The following NEU3 variants were observed in gnomAD, a reference collection of about 807,000 sequenced individuals.
The protein encoded by NEU3 is neuraminidase 3.
NEU3 carries 10 observed loss-of-function variants against 11.4 expected under a neutral mutation model. That is an observed-to-expected ratio of 0.88 (90% confidence interval 0.54 to 1.49). NEU3 has a LOEUF of 1.49. Ranked by LOEUF, NEU3 falls within the 40% of genes most tolerant of loss-of-function variation. NEU3 has a pLI of 0.00. For synonymous variants in NEU3, 212 were observed against 228.2 expected, an observed-to-expected ratio of 0.93 and a Z score of 0.64; for missense variants, 529 against 581.8, an observed-to-expected ratio of 0.91 and a Z score of 0.93.
chr11:75,001,917 C>T (rs566718587), intron 2 of NEU3, among the ~76,000 whole-genome samples: 1 of 152,324 alleles, frequency 6.6e-6, no homozygotes, highest in East Asian at 1.9e-4. Flanking sequence ...ATAGAATGGG[C>T]TGTCCCAGAG....
downstream of NEU3, among the ~76,000 whole-genome samples, chr11:75,014,604 A>G (rs1208056320): frequency 6.6e-6 from 1 of 152,214 alleles, no homozygotes; most frequent in Non-Finnish European, 1.5e-5. Flanking sequence ...TAGGCTGGGC[A>G]TGGTAGCTCA....
rs958638863 is a variant in NEU3, at chr11:74,988,967, C to T, written c.-94C>T. The T allele has an allele frequency of 3.2e-6, 3 of 946,088 alleles. No homozygotes were observed. Among genetic ancestry groups the T allele is most frequent in the African/African-American group, 1.7e-5 (1 of 58,788 alleles). The allele number at this position is 946,088 out of a possible 1,614,324, so 58.6% of individuals were successfully genotyped here. On this transcript the variant is annotated 5_prime_UTR_variant, in exon 1 of 3. Coordinates refer to ENST00000294064, the MANE Select transcript of NEU3 (RefSeq NM_006656.6). ...GCTCTTCGCTTCTCGGGGCTTGTCT[C>T]CGTGTCCTCCGTCTCAGTTGTTTCT...
chr11:74,994,402 T>A, intron 1 of NEU3, 107 bp from the exon 2 acceptor site: 1 of 739,350 alleles, frequency 1.4e-6, no homozygotes, highest in Non-Finnish European at 2.2e-6. Flanking sequence ...TGAATATATC[T>A]GTGCCCCCCC....
At chr11:74,987,967 A>G (rs1948687862), upstream of NEU3, among the ~76,000 whole-genome samples, 1 of 135,592 alleles carries the variant, frequency 7.4e-6, no homozygotes, top group Non-Finnish European at 1.5e-5. Context: ...GTTCTTTCAA[A>G]GAACCCTCAT....
chr11:75,015,901 T>C (rs1289485022), downstream of NEU3, among the ~76,000 whole-genome samples: 3 of 152,186 alleles, frequency 2.0e-5, no homozygotes, highest in Non-Finnish European at 4.4e-5. Context: ...GGTAACATCA[T>C]AGCATGAGCA....
upstream of NEU3, among the ~76,000 whole-genome samples, chr11:74,987,888 T>C (rs922662406): frequency 4.6e-5 from 2 of 43,028 alleles, no homozygotes; most frequent in Admixed American, 2.2e-4. Context: ...TTCTAGGCCT[T>C]TTTTTTTTTC....
In NEU3 at chr11:75,001,268, CTTTTTCTTTTT is replaced by C. The variant is rs1463109466; in HGVS notation, c.307-4128_307-4118del. ...GGCCATTACGTTTGTTCTTGTTTTT[CTTTTTCTTTTT>C]TTTTTCTTTTTTTTTTTTTTGAGAT... On this transcript the variant is annotated intron_variant, in intron 2 of 2. Coordinates refer to ENST00000294064, the MANE Select transcript of NEU3 (RefSeq NM_006656.6). Among the ~76,000 whole-genome samples the C allele has an allele frequency of 3.7e-3, 541 of 146,274 alleles. 2 individuals carry two copies. The highest frequency in any genetic ancestry group is 3.8e-3 in the Non-Finnish European group (252 of 66,282).
rs199646720 is a variant in NEU3, at chr11:75,005,632, G to A, written c.526G>A (p.Asp176Asn). The change falls in exon 3 of 3, where the codon GAC (aspartate) becomes AAC (asparagine). Residue 176 changes from aspartate (D) to asparagine (N), a missense_variant. Transcript: ENST00000294064. ...TGGATGTTCATGGAGTGAGGTGAGG[G>A]ACTTGACTGAGGAGGTCATTGGCTC... Reference protein sequence around the residue: ...DAGCSWSEVRDLTEEVIGSEL... With the variant: ...DAGCSWSEVRNLTEEVIGSEL... 1.5e-5 allele frequency: 25 copies of A among 1,613,900 alleles called. No individual in the cohort carries two copies. Among genetic ancestry groups the A allele is most frequent in the African/African-American group, 2.7e-5 (2 of 74,922 alleles).
intron 1 of NEU3, among the ~76,000 whole-genome samples, chr11:74,993,049 G>A (rs563528532): frequency 6.6e-6 from 1 of 152,304 alleles, no homozygotes; most frequent in South Asian, 2.1e-4. Context: ...AGAGTGAACT[G>A]AAAACCAGAG....
the NEU3 span, among the ~76,000 whole-genome samples, chr11:74,981,208 C>T: frequency 6.6e-6 from 1 of 152,180 alleles, no homozygotes; most frequent in African/African-American, 2.4e-5. Context: ...TTCTCTGTGA[C>T]AAACTGTTCT....
chr11:75,004,309 G>A (rs1179711828), intron 2 of NEU3: 4 of 680,012 alleles, frequency 5.9e-6, no homozygotes, highest in Admixed American at 2.2e-5. Context: ...TTTTAGAGAT[G>A]GGGTTTTGCC....
In NEU3 at chr11:75,008,799, C is replaced by T. The variant is rs1374937025; in HGVS notation, c.*2307C>T. On this transcript the variant is annotated 3_prime_UTR_variant, in exon 3 of 3. Transcript: ENST00000294064. ...TCGAACTCCTAGCCTTGTGATTCGC[C>T]TGCCTCGGCCTCCCAAAGTGCTGGG... 1 of 152,080 alleles carries T rather than the reference C, an allele frequency of 6.6e-6. No individual in the cohort carries two copies. Among genetic ancestry groups the T allele is most frequent in the Admixed American group, 6.6e-5 (1 of 15,260 alleles). The allele number at this position is 152,080 out of a possible 1,614,324, so 9.4% of individuals were successfully genotyped here.
intron 1 of NEU3, among the ~76,000 whole-genome samples, chr11:74,993,844 A>C (rs1591753433): frequency 6.6e-6 from 1 of 152,070 alleles, no homozygotes; most frequent in Non-Finnish European, 1.5e-5. Context: ...TTTTCCTCTT[A>C]TAAAGCCCCT....
chr11:75,018,487 G>A (rs1332905319), intron 3 of NEU3, among the ~76,000 whole-genome samples: 1 of 152,064 alleles, frequency 6.6e-6, no homozygotes, highest in African/African-American at 2.4e-5. Context: ...GACTTGACTG[G>A]CCTAGCCTCC....
intron 2 of NEU3, among the ~76,000 whole-genome samples, chr11:74,995,677 G>A (rs891130257): frequency 6.6e-6 from 1 of 152,162 alleles, no homozygotes; most frequent in Non-Finnish European, 1.5e-5. Flanking sequence ...CTGCTGAAAA[G>A]TGCTAATGAT....
chr11:75,011,053 C>T (rs1248025768), downstream of NEU3: 1 of 151,982 alleles, frequency 6.6e-6, no homozygotes, highest in East Asian at 1.9e-4. Flanking sequence ...AATGATAATC[C>T]TTTGCACTTT....
chr11:75,005,631 G>A lies in NEU3; in HGVS notation c.525G>A (p.Arg175=). 1.2e-6 allele frequency: 2 copies of A among 1,614,016 alleles called. No individual in the cohort carries two copies. The highest frequency in any genetic ancestry group is 1.7e-6 in the Non-Finnish European group (2 of 1,179,900). Reference sequence around the variant, plus strand: ...CTGGATGTTCATGGAGTGAGGTGAGGGACTTGACTGAGGAGGTCATTGGCT... The same window carrying A: ...CTGGATGTTCATGGAGTGAGGTGAGAGACTTGACTGAGGAGGTCATTGGCT... ...QDAGCSWSEV[R]DLTEEVIGSE... is the part of the protein sequence containing the mutation. The change falls in exon 3 of 3, where the codon AGG becomes AGA. Residue 175 remains arginine, a synonymous_variant. Coordinates refer to ENST00000294064, the MANE Select transcript of NEU3 (RefSeq NM_006656.6).
chr11:74,994,818 G>A (rs2140238017), intron 2 of NEU3, 98 bp downstream of exon 2: 1 of 1,144,898 alleles, frequency 8.7e-7, no homozygotes, highest in Non-Finnish European at 1.3e-6. Flanking sequence ...GTACAGGAAA[G>A]CCCTGTGTGG....
intron 3 of NEU3, among the ~76,000 whole-genome samples, chr11:75,017,642 GGGATATTGGGGC>G (rs892287215): frequency 6.6e-6 from 1 of 152,114 alleles, no homozygotes; most frequent in African/African-American, 2.4e-5. Flanking sequence ...GGCTTCTTTG[GGGATATTGGGGC>G]CAAAGGCTGG....
Sources: gnomAD v4.1 joint callset for allele counts (sites outside exome capture counted in the v4.1 genomes callset) on GRCh38, gnomAD v4.1.1 for gene constraint, MANE v1.5 for transcripts, NCBI Gene and HGNC (gene_info 2026-07-23, HGNC 2026-07-21) for gene names.